The following C12orf42 variants were observed in gnomAD, a reference collection of about 807,000 sequenced individuals.
C12orf42 encodes chromosome 12 open reading frame 42, also known as uncharacterized protein C12orf42.
In C12orf42, 25 loss-of-function variants were observed where a neutral mutation model predicts 21.6. That is an observed-to-expected ratio of 1.16 (90% CI 0.84 to 1.62). The LOEUF is 1.62. Among genes scored for constraint, C12orf42 ranks in the 40% most tolerant of loss-of-function variants. The pLI is 0.00. For missense variants in C12orf42, 483 were observed against 459.3 expected, an observed-to-expected ratio of 1.05 and a Z score of -0.47; for synonymous variants, 174 against 175.0, an observed-to-expected ratio of 0.99 and a Z score of 0.05.
chr12:103,348,705 C>G (rs1287026901), intron 4 of C12orf42, among the ~76,000 whole-genome samples: 1 of 152,040 alleles, frequency 6.6e-6, no homozygotes, highest in Admixed American at 6.6e-5. Flanking sequence ...GAAGACATAG[C>G]CTTACTGAAC....
Position 103,302,029 on chromosome 12 carries a change from T to C in C12orf42, c.*79A>G, listed in dbSNP as rs542916133. ...CAATGGTTCTGTGGAAACCAGTACA[T>C]CTGAGGCCCTTTCTGTTGTTCTGAG... On this transcript the variant is annotated 3_prime_UTR_variant, in exon 6 of 6. Coordinates refer to ENST00000548883, the MANE Select transcript of C12orf42 (RefSeq NM_198521.5). 1.7e-5 allele frequency: 25 copies of C among 1,430,298 alleles called. No homozygotes were observed. The highest frequency in any genetic ancestry group is 2.2e-5 in the Non-Finnish European group (23 of 1,047,978). 88.6% of individuals were successfully genotyped at this position (1,430,298 alleles called of 1,614,324 possible).
At chr12:103,290,376 C>T (rs574501162) in intron 4 of C12orf42, among the ~76,000 whole-genome samples, 1 of 152,220 alleles carries the variant, frequency 6.6e-6, no homozygotes, top group East Asian at 1.9e-4. Flanking sequence ...AAGGACCAGA[C>T]AATAGGAAGG....
chr12:103,241,110 T>G (rs1241525130), intron 10 of C12orf42, among the ~76,000 whole-genome samples: 1 of 151,572 alleles, frequency 6.6e-6, no homozygotes, highest in South Asian at 2.1e-4. Flanking sequence ...AAAGAAGTTA[T>G]AAAAACCATT....
intron 3 of C12orf42, among the ~76,000 whole-genome samples, chr12:103,393,404 C>T (rs990255484): frequency 2.0e-5 from 3 of 152,046 alleles, no homozygotes; most frequent in African/African-American, 4.8e-5. Context: ...CAGTACCAAG[C>T]GATGAGGGAT....
chr12:103,113,164 A>G, the C12orf42 span, among the ~76,000 whole-genome samples: 1 of 150,828 alleles, frequency 6.6e-6, no homozygotes, highest in Non-Finnish European at 1.5e-5. Context: ...CTTTTTATTT[A>G]CTCTTTCTCC....
the C12orf42 span, among the ~76,000 whole-genome samples, chr12:103,068,990 T>TAA: frequency 9.5e-6 from 1 of 105,662 alleles, no homozygotes; most frequent in Non-Finnish European, 1.9e-5. Context: ...TATATATATA[T>TAA]AATCCTATTA....
At chr12:103,090,092 G>A in the C12orf42 span, among the ~76,000 whole-genome samples, 1 of 152,084 alleles carries the variant, frequency 6.6e-6, no homozygotes, top group Middle Eastern at 3.4e-3. Flanking sequence ...CTGAAGATTA[G>A]CTATCAACAA....
the C12orf42 span, among the ~76,000 whole-genome samples, chr12:103,225,014 C>T: frequency 1.3e-5 from 2 of 152,252 alleles, no homozygotes; most frequent in Admixed American, 6.5e-5. Flanking sequence ...TTGGGCTTGA[C>T]TGAAGTAATG....
chr12:103,401,040 G>A (rs1256619051), intron 3 of C12orf42, among the ~76,000 whole-genome samples: 1 of 152,170 alleles, frequency 6.6e-6, no homozygotes, highest in Non-Finnish European at 1.5e-5. Context: ...ACAGCTCCAT[G>A]ACAACTGGAC....
chr12:103,468,032 C>T (rs1953283596), intron 2 of C12orf42, among the ~76,000 whole-genome samples: 1 of 152,110 alleles, frequency 6.6e-6, no homozygotes, highest in Non-Finnish European at 1.5e-5. Flanking sequence ...CAATTTGTAC[C>T]AACAACAAAC....
chr12:103,072,318 T>G, the C12orf42 span, among the ~76,000 whole-genome samples: 1 of 152,172 alleles, frequency 6.6e-6, no homozygotes, highest in Admixed American at 6.6e-5. Flanking sequence ...TCAAAATGTC[T>G]ATATTGGTTT....
the C12orf42 span, among the ~76,000 whole-genome samples, chr12:103,090,091 A>G: frequency 6.6e-6 from 1 of 152,100 alleles, no homozygotes; most frequent in Admixed American, 6.5e-5. Context: ...TCTGAAGATT[A>G]GCTATCAACA....
chr12:103,080,007 G>A, the C12orf42 span, among the ~76,000 whole-genome samples: 281 of 152,182 alleles, frequency 1.8e-3, no homozygotes, highest in Non-Finnish European at 3.0e-3. Flanking sequence ...CTGGGACGGC[G>A]GTAGAGTTGG....
At chr12:103,361,115 T>C (rs988197064) in intron 4 of C12orf42, among the ~76,000 whole-genome samples, 1 of 152,060 alleles carries the variant, frequency 6.6e-6, no homozygotes, top group African/African-American at 2.4e-5. Context: ...TGCAGAAATA[T>C]ACCAGGAAAG....
At chr12:103,198,221 G>A in the C12orf42 span, among the ~76,000 whole-genome samples, 6 of 152,296 alleles carry the variant, frequency 3.9e-5, no homozygotes, top group African/African-American at 1.4e-4. Context: ...GCAAAACAGA[G>A]GGAGAGGCTG....
intron 2 of C12orf42, among the ~76,000 whole-genome samples, chr12:103,446,875 G>A (rs779733552): frequency 1.3e-5 from 2 of 151,956 alleles, no homozygotes; most frequent in Non-Finnish European, 2.9e-5. Context: ...ATTACTACTA[G>A]GCCTAAGAAA....
At chr12:103,217,347 T>A in the C12orf42 span, among the ~76,000 whole-genome samples, 1 of 151,944 alleles carries the variant, frequency 6.6e-6, no homozygotes, top group African/African-American at 2.4e-5. Context: ...CAAGACCCTG[T>A]CTTTACAAAA....
chr12:103,338,232 C>T (rs1487407809), intron 4 of C12orf42, among the ~76,000 whole-genome samples: 1 of 152,148 alleles, frequency 6.6e-6, no homozygotes, highest in Admixed American at 6.5e-5. Flanking sequence ...AGTGGTACAG[C>T]CATAAAGTTC....
chr12:103,362,134 G>T (rs2137722280), intron 4 of C12orf42, among the ~76,000 whole-genome samples: 1 of 152,270 alleles, frequency 6.6e-6, no homozygotes, highest in Middle Eastern at 3.4e-3. Context: ...ACTGGAGTAG[G>T]TGCTGGTTTC....
Sources: gnomAD v4.1 joint callset for allele counts (sites outside exome capture counted in the v4.1 genomes callset) on GRCh38, gnomAD v4.1.1 for gene constraint, MANE v1.5 for transcripts, NCBI Gene and HGNC (gene_info 2026-07-23, HGNC 2026-07-21) for gene names.